Variants in NFATC1 observed in about 807,000 individuals in gnomAD.
The protein encoded by NFATC1 is nuclear factor of activated T cells 1.
In NFATC1, 22 loss-of-function variants were observed where a neutral mutation model predicts 76.0. The ratio of observed to expected loss-of-function variants is 0.29; its 90% CI spans 0.21 to 0.41. The LOEUF (loss-of-function observed/expected upper bound fraction) is 0.41. Among genes scored for constraint, NFATC1 ranks in the 10% least tolerant of loss-of-function variants. The pLI is 1.00. For missense variants in NFATC1, 1,357 were observed against 1,337.7 expected (o/e 1.01, Z -0.23); for synonymous variants, 704 against 613.1 (o/e 1.15, Z -2.19).
At chr18:79,402,223 G>A (rs1023761587) in intron 1 of NFATC1, 18 of 532,588 alleles carry the variant, frequency 3.4e-5, no homozygotes, top group Non-Finnish European at 4.3e-5. Flanking sequence ...AAGACGCACA[G>A]GAGGCCAGTC....
intron 2 of NFATC1, 81 bp downstream of exon 2, chr18:79,411,582 C>A: frequency 9.7e-7 from 1 of 1,035,124 alleles, no homozygotes; most frequent in Non-Finnish European, 1.2e-6. Flanking sequence ...GGACGGGGGG[C>A]GGCGCGGGGC....
chr18:79,420,189 T>G (rs1156570876), intron 2 of NFATC1, among the ~76,000 whole-genome samples: 1 of 151,962 alleles, frequency 6.6e-6, no homozygotes, highest in African/African-American at 2.4e-5. Flanking sequence ...GGGACGTGTT[T>G]CCAGGCGACG....
At chr18:79,499,795 G>C (rs2089976957) in intron 9 of NFATC1, among the ~76,000 whole-genome samples, 1 of 152,156 alleles carries the variant, frequency 6.6e-6, no homozygotes, top group Non-Finnish European at 1.5e-5. Context: ...GAAAAAGATA[G>C]GCAGAGTTAA....
At chr18:79,454,311 T>C (rs2087595845) in intron 6 of NFATC1, among the ~76,000 whole-genome samples, 1 of 152,188 alleles carries the variant, frequency 6.6e-6, no homozygotes, top group Admixed American at 6.5e-5. Context: ...GGAAGCTCAT[T>C]GTCCAGGCCA....
At chr18:79,460,802 C>T (rs1412714116) in intron 6 of NFATC1, among the ~76,000 whole-genome samples, 4 of 152,238 alleles carry the variant, frequency 2.6e-5, no homozygotes, top group Admixed American at 6.5e-5. Context: ...ACTACTCTCA[C>T]ACCTCCTGCA....
chr18:79,449,517 C>T (rs1480539225), intron 4 of NFATC1, among the ~76,000 whole-genome samples: 1 of 152,230 alleles, frequency 6.6e-6, no homozygotes, highest in African/African-American at 2.4e-5. Flanking sequence ...GCACGCTGGC[C>T]CTAACCTGTG....
intron 6 of NFATC1, among the ~76,000 whole-genome samples, chr18:79,459,651 C>T (rs913120060): frequency 2.6e-5 from 4 of 152,068 alleles, no homozygotes; most frequent in Non-Finnish European, 5.9e-5. Context: ...GGGCGGGAAG[C>T]AAACTATAGC....
chr18:79,402,012 C>T lies in NFATC1; in HGVS notation c.127+5661C>T, dbSNP rs997185746. Among the ~76,000 whole-genome samples, 6 of 152,288 alleles carry T rather than the reference C, an allele frequency of 3.9e-5. No individual in the cohort carries two copies. The South Asian group carries it at 6.2e-4, about 16-fold the overall frequency. ...TTATCCCCATGGAGCTGGGTCTCCC[C>T]GGCCTCCCAGGCCTCCAGGGTGGGC... On this transcript the variant is annotated intron_variant, in intron 1 of 9. Coordinates refer to ENST00000427363, the MANE Select transcript of NFATC1 (RefSeq NM_001278669.2).
chr18:79,457,850 C>T (rs1484563797), intron 6 of NFATC1, among the ~76,000 whole-genome samples: 18 of 152,202 alleles, frequency 1.2e-4, no homozygotes, highest in Non-Finnish European at 1.5e-4. Flanking sequence ...TGGAGCGTGG[C>T]ATCCTCCATG....
At chr18:79,478,097 GCCCCCGTTCTTGCCCCCAGGC>G (rs1434872694) in intron 8 of NFATC1, among the ~76,000 whole-genome samples, 1 of 105,830 alleles carries the variant, frequency 9.4e-6, no homozygotes, top group African/African-American at 3.8e-5. Flanking sequence ...CCATCCCCAG[GCCCCCGTTCTTGCCCCCAGGC>G]CCCCCCCCGC....
chr18:79,451,163 C>T lies in NFATC1; in HGVS notation c.1762+37C>T, dbSNP rs768022365. The T allele has an allele frequency of 6.9e-6, 11 of 1,587,544 alleles. 1 individual carries two copies. Among genetic ancestry groups the T allele is most frequent in the Middle Eastern group, 1.8e-4 (1 of 5,570 alleles). On this transcript the variant is annotated intron_variant, in intron 5 of 9. Transcript: ENST00000427363. ...TCCACGCGCCCACAGGGGAGGAAAC[C>T]GTCCCGTCACATGCGCTTCACTGTC... is the stretch of plus-strand genomic sequence containing the variant.
intron 2 of NFATC1, among the ~76,000 whole-genome samples, chr18:79,413,712 C>T (rs918653483): frequency 2.0e-5 from 3 of 152,242 alleles, no homozygotes; most frequent in Non-Finnish European, 2.9e-5. Context: ...AGCGCAAGCT[C>T]GTCCTGGTTC....
chr18:79,421,935 G>A (rs950984492), intron 2 of NFATC1: 5 of 152,286 alleles, frequency 3.3e-5, no homozygotes, highest in African/African-American at 1.2e-4. Flanking sequence ...CAGAGTCTGA[G>A]CATCCTTTGT....
At chr18:79,399,633 G>A (rs11874309) in intron 1 of NFATC1, among the ~76,000 whole-genome samples, 1,557 of 152,328 alleles carry the variant, frequency 0.01, 25 homozygotes, top group African/African-American at 0.035. Context: ...TTCCCGCCCC[G>A]CTCAAGGAGG....
In NFATC1 at chr18:79,489,217, T is replaced by C. The variant is rs1259123682; in HGVS notation, c.2782+2280T>C. 2.0e-5 allele frequency among the ~76,000 whole-genome samples: 3 copies of C among 152,176 alleles called. No homozygotes were observed. The East Asian group carries it at 5.8e-4, about 29-fold the overall frequency. The stretch of plus-strand genomic sequence containing the variant: ...TGTCGCTGAGTGCACAGGCTAGGGA[T>C]GTTGGAGCTGCATGGGTGTGGGTGT... On this transcript the variant is annotated intron_variant, in intron 9 of 9. Coordinates refer to ENST00000427363, the MANE Select transcript of NFATC1 (RefSeq NM_001278669.2).
At chr18:79,444,893 G>A (rs960812979) in intron 3 of NFATC1, among the ~76,000 whole-genome samples, 5 of 152,246 alleles carry the variant, frequency 3.3e-5, no homozygotes, top group East Asian at 1.9e-4. Flanking sequence ...TGGACGCTGC[G>A]TGGCTGTCTC....
intron 2 of NFATC1, among the ~76,000 whole-genome samples, chr18:79,422,937 G>A (rs1389217108): frequency 6.6e-6 from 1 of 151,942 alleles, no homozygotes; most frequent in Non-Finnish European, 1.5e-5. Context: ...GCTGCCTCGG[G>A]GGCGGGGGTT....
intron 8 of NFATC1, among the ~76,000 whole-genome samples, chr18:79,483,239 T>C (rs1660175): frequency 0.1 from 10,301 of 99,994 alleles, 1,609 homozygotes; most frequent in African/African-American, 0.26. Context: ...GGTCCTGGGG[T>C]GTCACTCCAG....
intron 2 of NFATC1, 23 bp from the exon 3 acceptor site, chr18:79,433,553 GCCT>G (rs2086670160): frequency 6.2e-7 from 1 of 1,612,100 alleles, no homozygotes. Context: ...GGTGCTGAAC[GCCT>G]CCTCTGCTCT....
Sources: allele counts gnomAD v4.1 joint callset (sites outside exome capture counted in the v4.1 genomes callset), GRCh38; gene constraint gnomAD v4.1.1; transcripts MANE v1.5; gene names NCBI Gene and HGNC (gene_info 2026-07-23, HGNC 2026-07-21).